The following MORN1 variants were observed in gnomAD, a reference collection of about 807,000 sequenced individuals.
MORN1 encodes the protein MORN repeat-containing protein 1.
In MORN1, 67 loss-of-function variants were observed where a neutral mutation model predicts 61.9. The ratio of observed to expected loss-of-function variants is 1.08; its 90% CI spans 0.89 to 1.33. The LOEUF (loss-of-function observed/expected upper bound fraction) is 1.33. MORN1 is among the 40% of genes most tolerant of loss of function. The pLI, the probability that MORN1 is intolerant of heterozygous loss-of-function variation, is 0.00. For synonymous variants in MORN1, 301 were observed against 292.0 expected (o/e 1.03, Z -0.31); for missense variants, 752 against 691.2 (o/e 1.09, Z -0.99).
intron 4 of MORN1, 89 bp downstream of exon 4, chr1:2,387,330 C>T (rs1642527957): frequency 1.0e-6 from 1 of 963,270 alleles, no homozygotes; most frequent in African/African-American, 1.6e-5. Flanking sequence ...GGCAGGCCCT[C>T]TCAGAGGTTC....
intron 6 of MORN1, among the ~76,000 whole-genome samples, chr1:2,381,300 A>T: frequency 6.6e-6 from 1 of 152,214 alleles, no homozygotes; most frequent in East Asian, 1.9e-4. Context: ...CAGCGTCTAC[A>T]TCGGTCTGGG....
chr1:2,354,749 T>C (rs1444295632), intron 10 of MORN1, among the ~76,000 whole-genome samples: 1 of 152,148 alleles, frequency 6.6e-6, no homozygotes, highest in Non-Finnish European at 1.5e-5. Flanking sequence ...CCTCCCTTTA[T>C]GGATGAGGAA....
At chr1:2,370,289 C>T (rs1271232170) in intron 8 of MORN1, among the ~76,000 whole-genome samples, 1 of 152,048 alleles carries the variant, frequency 6.6e-6, no homozygotes, top group Non-Finnish European at 1.5e-5. Context: ...GATTGAACAT[C>T]CCCATGAAGA....
chr1:2,340,195 T>G (rs1641365726), intron 10 of MORN1, among the ~76,000 whole-genome samples: 1 of 151,920 alleles, frequency 6.6e-6, no homozygotes, highest in African/African-American at 2.4e-5. Flanking sequence ...TTGCCCCTCC[T>G]CTGTTCACAC....
intron 10 of MORN1, among the ~76,000 whole-genome samples, chr1:2,346,097 A>G (rs905977830): frequency 6.7e-6 from 1 of 149,036 alleles, no homozygotes; most frequent in Non-Finnish European, 1.5e-5. Context: ...CAAAGCCACC[A>G]GGAACCTTCC....
intron 10 of MORN1, among the ~76,000 whole-genome samples, chr1:2,344,717 G>A (rs1292206993): frequency 1.3e-5 from 2 of 152,220 alleles, no homozygotes; most frequent in Non-Finnish European, 2.9e-5. Flanking sequence ...GAAGGGAAAG[G>A]GGGAGCGCTG....
At chr1:2,365,487 A>G (rs1467190911) in intron 8 of MORN1, among the ~76,000 whole-genome samples, 2 of 146,816 alleles carry the variant, frequency 1.4e-5, no homozygotes, top group South Asian at 2.3e-4. Context: ...TAGATATACA[A>G]TCATGTCATC....
At chr1:2,355,048 T>C in intron 10 of MORN1, 5 of 538,082 alleles carry the variant, frequency 9.3e-6, no homozygotes, top group Non-Finnish European at 1.2e-5. Flanking sequence ...CCAGGTAGGA[T>C]CCGCCCCAGA....
chr1:2,362,095 G>T (rs936267896), intron 8 of MORN1, among the ~76,000 whole-genome samples: 11 of 152,034 alleles, frequency 7.2e-5, no homozygotes, highest in African/African-American at 2.7e-4. Flanking sequence ...AGCCGGGCGT[G>T]GTGGCGGGTG....
At chr1:2,383,082 T>C (rs532710201) in intron 6 of MORN1, among the ~76,000 whole-genome samples, 17 of 152,178 alleles carry the variant, frequency 1.1e-4, no homozygotes, top group African/African-American at 3.4e-4. Flanking sequence ...TCCATCCCCA[T>C]GTGGCCCCAT....
At chr1:2,364,022 C>T (rs112686514) in intron 8 of MORN1, among the ~76,000 whole-genome samples, 165 of 152,122 alleles carry the variant, frequency 1.1e-3, no homozygotes, top group African/African-American at 3.7e-3. Flanking sequence ...GATTGTTAGA[C>T]TGGATAAAAA....
intron 10 of MORN1, among the ~76,000 whole-genome samples, chr1:2,345,013 C>T (rs936259436): frequency 2.0e-5 from 3 of 152,118 alleles, no homozygotes; most frequent in Non-Finnish European, 4.4e-5. Flanking sequence ...CGGGAGGGTC[C>T]ACGCGTGCTC....
intron 12 of MORN1, among the ~76,000 whole-genome samples, chr1:2,329,648 G>C (rs1449307667): frequency 2.6e-5 from 4 of 152,212 alleles, no homozygotes; most frequent in Admixed American, 2.0e-4. Flanking sequence ...CTGGCCACGG[G>C]GTCAGCAGGT....
At chr1:2,343,716 C>A (rs1393611427) in intron 10 of MORN1, among the ~76,000 whole-genome samples, 4 of 152,210 alleles carry the variant, frequency 2.6e-5, no homozygotes, top group Non-Finnish European at 5.9e-5. Context: ...TTGGAAGCAG[C>A]TTCACAGGGT....
intron 7 of MORN1, among the ~76,000 whole-genome samples, chr1:2,373,185 A>G (rs764519959): frequency 1.8e-4 from 28 of 152,352 alleles, no homozygotes; most frequent in Non-Finnish European, 3.5e-4. Context: ...GCCTCCAGCA[A>G]AGCACAATGG....
chr1:2,383,035 C>T (rs1182344220), intron 6 of MORN1, among the ~76,000 whole-genome samples: 1 of 152,158 alleles, frequency 6.6e-6, no homozygotes, highest in African/African-American at 2.4e-5. Context: ...GCAGCTGTGC[C>T]AGCCAGGATG....
chr1:2,338,138 G>C (rs190245014), intron 10 of MORN1, among the ~76,000 whole-genome samples: 24 of 152,332 alleles, frequency 1.6e-4, no homozygotes, highest in Non-Finnish European at 2.9e-5. Context: ...AGGCATTAAT[G>C]TCCCTTTCCC....
In MORN1 at chr1:2,387,471, C is replaced by G. The variant is rs895641318; in HGVS notation, c.306G>C (p.Glu102Asp). ...CTTCATAACATCCGCCGGCTTTGTA[C>G]TCCATGACGCCGTAGCCTTGAGGCT... ...LGEPQGYGVM[E>D]YKAGGCYEGE... Residue 102 changes from glutamate to aspartate, a missense_variant, in exon 4 of 14, where the codon GAG becomes GAC. Transcript: ENST00000378531. 1 of 1,613,618 alleles carries G rather than the reference C, an allele frequency of 6.2e-7. No individual in the cohort carries two copies. The highest frequency in any genetic ancestry group is 1.3e-5 in the African/African-American group (1 of 74,938).
intron 1 of MORN1, chr1:2,390,868 C>T (rs915227144): frequency 4.1e-6 from 2 of 493,114 alleles, no homozygotes; most frequent in African/African-American, 2.1e-5. Flanking sequence ...CCTGCCTCAG[C>T]CTCCCGAGTA....
Sources: gnomAD v4.1 joint callset for allele counts (sites outside exome capture counted in the v4.1 genomes callset) on GRCh38, gnomAD v4.1.1 for gene constraint, MANE v1.5 for transcripts, NCBI Gene and HGNC (gene_info 2026-07-23, HGNC 2026-07-21) for gene names.